Variants in MCTP1 observed in about 807,000 individuals in gnomAD.
MCTP1 encodes multiple C2 and transmembrane domain-containing protein 1.
Under a neutral mutation model 120.6 loss-of-function variants are expected in MCTP1, and 69 were observed. That is an observed-to-expected ratio of 0.57 (90% CI 0.47 to 0.70). MCTP1 has a LOEUF of 0.70. Ranked by LOEUF, MCTP1 falls within the 30% of genes least tolerant of loss-of-function variation. The probability of loss-of-function intolerance (pLI) is 0.00; values close to 1 mark genes in which losing one functional copy is unlikely to be tolerated. For synonymous variants in MCTP1, 529 were observed against 493.1 expected (o/e 1.07, Z -0.96); for missense variants, 1,203 against 1,248.8 (o/e 0.96, Z 0.55).
intron 19 of MCTP1, among the ~76,000 whole-genome samples, chr5:94,715,268 C>T (rs1347810291): frequency 2.7e-5 from 4 of 150,428 alleles, no homozygotes; most frequent in Non-Finnish European, 5.9e-5. Flanking sequence ...GTTTCTTGAC[C>T]GCACTGCCCA....
At chr5:94,797,679 A>C (rs1184832295) in intron 18 of MCTP1, among the ~76,000 whole-genome samples, 1 of 152,128 alleles carries the variant, frequency 6.6e-6, no homozygotes, top group Non-Finnish European at 1.5e-5. Flanking sequence ...ATACATTACA[A>C]AGAAGGTTTT....
chr5:95,033,858 T>C (rs1486789852), intron 1 of MCTP1, among the ~76,000 whole-genome samples: 3 of 152,048 alleles, frequency 2.0e-5, no homozygotes, highest in African/African-American at 7.2e-5. Context: ...ACCTGATAAA[T>C]GAATTCAGTG....
intron 1 of MCTP1, among the ~76,000 whole-genome samples, chr5:95,046,121 T>C (rs889067041): frequency 2.0e-5 from 3 of 152,178 alleles, no homozygotes; most frequent in Admixed American, 1.3e-4. Flanking sequence ...TGTGAGCCGA[T>C]GAACTCTGAG....
intron 18 of MCTP1, among the ~76,000 whole-genome samples, chr5:94,787,761 T>C (rs1369099594): frequency 1.3e-5 from 2 of 152,144 alleles, no homozygotes; most frequent in East Asian, 1.9e-4. Flanking sequence ...GGACTGCAGG[T>C]GCCCGCCATC....
rs150779758 is a variant in MCTP1 at position 94,713,417 on chromosome 5, A to G, written c.2720+1360T>C. ...CCAAGCATCTGCTCTGAGGCCTTCT[A>G]CCACCTAGAGTTACAAAGGAGTTTC... is the stretch of plus-strand genomic sequence containing the variant. On this transcript the variant is annotated intron_variant, in intron 20 of 22. Coordinates refer to ENST00000515393, the MANE Select transcript of MCTP1 (RefSeq NM_024717.7). Among the ~76,000 whole-genome samples the G allele has an allele frequency of 1.7e-4, 26 of 152,202 alleles. No individual in the cohort carries two copies. In the East Asian group the frequency reaches 5.0e-3, roughly 30 times the overall value.
intron 18 of MCTP1, among the ~76,000 whole-genome samples, chr5:94,785,308 C>G (rs1580678309): frequency 6.6e-6 from 1 of 152,170 alleles, no homozygotes; most frequent in East Asian, 1.9e-4. Context: ...AACTCTGTCT[C>G]CATCTAAAGG....
intron 1 of MCTP1, among the ~76,000 whole-genome samples, chr5:95,249,359 A>G (rs1237763562): frequency 1.3e-5 from 2 of 152,218 alleles, no homozygotes; most frequent in African/African-American, 2.4e-5. Context: ...ATATGAACAG[A>G]TACTTCTCAA....
chr5:95,104,561 T>C (rs1209277894), intron 1 of MCTP1, among the ~76,000 whole-genome samples: 2 of 152,210 alleles, frequency 1.3e-5, no homozygotes, highest in Non-Finnish European at 2.9e-5. Context: ...GCAATGACGA[T>C]AGATGGTGGC....
chr5:95,188,896 G>A (rs1749528399), intron 1 of MCTP1, among the ~76,000 whole-genome samples: 1 of 152,140 alleles, frequency 6.6e-6, no homozygotes, highest in African/African-American at 2.4e-5. Flanking sequence ...TCATGATACT[G>A]TACTATAATT....
At chr5:94,972,790 C>T (rs152279) in intron 2 of MCTP1, among the ~76,000 whole-genome samples, 8,688 of 152,126 alleles carry the variant, frequency 0.057, 313 homozygotes, top group African/African-American at 0.092. Flanking sequence ...TATGACTTCA[C>T]AGAGCCAATC....
At chr5:95,072,876 G>C (rs1443740717) in intron 1 of MCTP1, among the ~76,000 whole-genome samples, 1 of 149,426 alleles carries the variant, frequency 6.7e-6, no homozygotes, top group Non-Finnish European at 1.5e-5. Flanking sequence ...CTCCCGATTA[G>C]CTGGGACTAC....
chr5:94,996,894 A>G (rs529260969), intron 2 of MCTP1, among the ~76,000 whole-genome samples: 5 of 152,280 alleles, frequency 3.3e-5, no homozygotes, highest in African/African-American at 2.4e-5. Flanking sequence ...AAGCAAACAG[A>G]AAGAATAATA....
chr5:94,980,419 T>C (rs917886643), intron 2 of MCTP1, among the ~76,000 whole-genome samples: 1 of 152,154 alleles, frequency 6.6e-6, no homozygotes, highest in East Asian at 1.9e-4. Context: ...CATGATCATA[T>C]AGACGGAATG....
At chr5:94,946,657 T>C (rs1215088866) in intron 3 of MCTP1, among the ~76,000 whole-genome samples, 1 of 152,142 alleles carries the variant, frequency 6.6e-6, no homozygotes. Context: ...ACTCCTGATA[T>C]GAATCAGGGA....
chr5:94,776,202 C>T (rs1355371464), intron 19 of MCTP1, among the ~76,000 whole-genome samples: 1 of 152,042 alleles, frequency 6.6e-6, no homozygotes, highest in Admixed American at 6.6e-5. Context: ...GGAAAACACC[C>T]TAAGCTCAAA....
intron 1 of MCTP1, among the ~76,000 whole-genome samples, chr5:95,080,739 A>G (rs1754734730): frequency 6.6e-6 from 1 of 152,208 alleles, no homozygotes; most frequent in South Asian, 2.1e-4. Context: ...AGAATTTGAA[A>G]AATAAACCTC....
chr5:94,953,098 T>G, intron 3 of MCTP1, 121 bp downstream of exon 3: 1 of 816,514 alleles, frequency 1.2e-6, no homozygotes, highest in South Asian at 2.2e-5. Flanking sequence ...TAGATTAGAG[T>G]GGCGAAGAGC....
intron 1 of MCTP1, among the ~76,000 whole-genome samples, chr5:95,181,634 A>G (rs1290103103): frequency 2.0e-5 from 3 of 152,284 alleles, no homozygotes; most frequent in Middle Eastern, 3.4e-3. Flanking sequence ...ATCCTCACTT[A>G]GCACACTTTT....
intron 18 of MCTP1, among the ~76,000 whole-genome samples, chr5:94,795,450 C>T (rs753316016): frequency 1.3e-5 from 2 of 152,208 alleles, no homozygotes; most frequent in Non-Finnish European, 2.9e-5. Context: ...CTGGCATCTA[C>T]TCTTCCACTT....
Sources: allele counts gnomAD v4.1 joint callset (sites outside exome capture counted in the v4.1 genomes callset), GRCh38; gene constraint gnomAD v4.1.1; transcripts MANE v1.5; gene names NCBI Gene and HGNC (gene_info 2026-07-23, HGNC 2026-07-21).